MPZL1: variants seen among roughly 807,000 people sequenced by gnomAD.
MPZL1 encodes myelin protein zero-like protein 1.
MPZL1 carries 16 observed loss-of-function variants against 29.3 expected under a neutral mutation model. The ratio of observed to expected loss-of-function variants is 0.55; its 90% CI spans 0.37 to 0.83. The LOEUF (loss-of-function observed/expected upper bound fraction) is 0.83. MPZL1 is among the 40% of genes least tolerant of loss of function. The pLI, the probability that MPZL1 is intolerant of heterozygous loss-of-function variation, is 0.00. For synonymous variants in MPZL1, 143 were observed against 132.0 expected (o/e 1.08, Z -0.57); for missense variants, 279 against 332.9 (o/e 0.84, Z 1.26).
rs2101739870 is a variant in MPZL1 at position 167,722,234 on chromosome 1, T to C, written c.83T>C (p.Leu28Pro). The change falls in exon 1 of 6, where the codon CTT becomes CCT. Residue 28 changes from leucine (L) to proline (P), a missense_variant. Transcript: ENST00000359523. ...RWLWSVLAAA[L>P]GLLTAGVSAL... ...CTGTGGTCGGTGCTGGCGGCGGCGC[T>C]TGGGCTCTGTAAGTGATGCCAGGAC... is the stretch of plus-strand genomic sequence containing the variant. 2 of 1,239,114 alleles carry C rather than the reference T, an allele frequency of 1.6e-6. No individual in the cohort carries two copies. Among genetic ancestry groups the C allele is most frequent in the African/African-American group, 1.5e-5 (1 of 64,530 alleles). 76.8% of individuals were successfully genotyped at this position (1,239,114 alleles called of 1,614,324 possible). A position where few individuals can be genotyped will look rare whatever the true frequency, so the allele number is the denominator to read the frequency against.
At chr1:167,737,862 A>G (rs186621649) in intron 1 of MPZL1, among the ~76,000 whole-genome samples, 23 of 152,130 alleles carry the variant, frequency 1.5e-4, no homozygotes, top group African/African-American at 5.6e-4. Flanking sequence ...TTTAGAGTAG[A>G]TTATCTCTAC....
At chr1:167,757,073 G>T (rs191307645) in intron 1 of MPZL1, among the ~76,000 whole-genome samples, 1 of 152,312 alleles carries the variant, frequency 6.6e-6, no homozygotes, top group African/African-American at 2.4e-5. Context: ...GGATACTTTT[G>T]CAGCCTTCCC....
At chr1:167,787,290 T>A (rs1156683580) in intron 5 of MPZL1, 1 of 152,320 alleles carries the variant, frequency 6.6e-6, no homozygotes, top group Non-Finnish European at 1.5e-5. Flanking sequence ...TGAAGAATAT[T>A]TGAAGTGCTT....
At chr1:167,783,232 C>A (rs1011680741) in intron 5 of MPZL1, among the ~76,000 whole-genome samples, 7 of 152,134 alleles carry the variant, frequency 4.6e-5, no homozygotes, top group Middle Eastern at 3.2e-3. Context: ...CAGAACCAAA[C>A]TGGGGCTCTT....
At chr1:167,772,714 G>A (rs548631522) in intron 3 of MPZL1, among the ~76,000 whole-genome samples, 47 of 152,022 alleles carry the variant, frequency 3.1e-4, no homozygotes, top group African/African-American at 8.2e-4. Flanking sequence ...TATTCCTACC[G>A]TCTGGTGCCT....
In MPZL1 at chr1:167,776,097, G is replaced by T. The variant is rs1159103166; in HGVS notation, c.639G>T (p.Lys213Asn). The stretch of plus-strand genomic sequence containing the variant: ...CATCAGAGAGTTTGTCACCAGTTAA[G>T]CAGGCTCCTCGGAAGTCCCCCTCCG... Reference protein sequence around the residue: ...CSTSESLSPVKQAPRKSPSDT... With the variant: ...CSTSESLSPVNQAPRKSPSDT... The change falls in exon 5 of 6, where the codon AAG becomes AAT. Residue 213 changes from lysine to asparagine, a missense_variant. Lys to Asn is a moderately conservative substitution (Grantham distance 94). Transcript: ENST00000359523. The T allele has an allele frequency of 6.2e-7, 1 of 1,612,040 alleles. No individual in the cohort carries two copies. Among genetic ancestry groups the T allele is most frequent in the African/African-American group, 1.3e-5 (1 of 74,776 alleles).
At chr1:167,771,066 TCATAGGATAATA>T (rs1661235414) in intron 2 of MPZL1, among the ~76,000 whole-genome samples, 1 of 150,836 alleles carries the variant, frequency 6.6e-6, no homozygotes, top group African/African-American at 2.4e-5. Context: ...TGTGGCAGGG[TCATAGGATAATA>T]GTGGAGAGAA....
intron 1 of MPZL1, among the ~76,000 whole-genome samples, chr1:167,750,666 G>A (rs866958331): frequency 7.9e-5 from 12 of 152,160 alleles, no homozygotes; most frequent in Middle Eastern, 3.4e-3. Flanking sequence ...TGAAGACTAA[G>A]GACATCATGT....
At chr1:167,783,879 C>G (rs1379085523) in intron 5 of MPZL1, among the ~76,000 whole-genome samples, 1 of 152,096 alleles carries the variant, frequency 6.6e-6, no homozygotes, top group East Asian at 1.9e-4. Flanking sequence ...AAAAGGTGTT[C>G]TGTCAGTAGT....
At chr1:167,739,282 C>CATATATATATATATATATATATATAT (rs71959233) in intron 1 of MPZL1, among the ~76,000 whole-genome samples, 6 of 90,392 alleles carry the variant, frequency 6.6e-5, no homozygotes, top group African/African-American at 1.9e-4. Context: ...TACATATATA[C>CATATATATATATATATATATATATAT]ATATATATAT....
intron 1 of MPZL1, among the ~76,000 whole-genome samples, chr1:167,759,690 CAG>C (rs80146838): frequency 0.17 from 25,770 of 152,160 alleles, 2,465 homozygotes; most frequent in East Asian, 0.35. Context: ...ATCAACTACG[CAG>C]AGTGCCCAGC....
At chr1:167,726,262 A>T (rs10918747) in intron 1 of MPZL1, among the ~76,000 whole-genome samples, 36,803 of 152,068 alleles carry the variant, frequency 0.24, 5,310 homozygotes, top group African/African-American at 0.41. Flanking sequence ...TAAGTTTCAC[A>T]TCTTTAGAGA....
At chr1:167,754,070 T>C (rs1467225390) in intron 1 of MPZL1, among the ~76,000 whole-genome samples, 1 of 152,122 alleles carries the variant, frequency 6.6e-6, no homozygotes, top group Non-Finnish European at 1.5e-5. Context: ...TGATCTCCGT[T>C]CGCTGCAACC....
chr1:167,756,688 A>C (rs899950617), intron 1 of MPZL1, among the ~76,000 whole-genome samples: 2 of 152,082 alleles, frequency 1.3e-5, no homozygotes, highest in Admixed American at 6.6e-5. Flanking sequence ...GATATATTGT[A>C]TTCTTTATTT....
Position 167,750,425 on chromosome 1 carries a change from C to G in MPZL1, c.92-15158C>G, listed in dbSNP as rs543506573. On this transcript the variant is annotated intron_variant, in intron 1 of 5. Transcript: ENST00000359523. ...TCATATTGGTTAGGCTGGTCTCTAA[C>G]TCCTGACCTCAGGTAATCCGCCTGC... Among the ~76,000 whole-genome samples, 12 of 152,274 alleles carry G rather than the reference C, an allele frequency of 7.9e-5. No homozygotes were observed. In the South Asian group the frequency reaches 2.3e-3, roughly 29 times the overall value.
At position 167,788,036 on chromosome 1, in the gene MPZL1, G is replaced by A. The variant is rs1447845154; in HGVS notation, c.*115G>A. The A allele has an allele frequency of 1.1e-5, 8 of 748,158 alleles. No homozygotes were observed. Among genetic ancestry groups the A allele is most frequent in the Middle Eastern group, 2.4e-4 (1 of 4,216 alleles). The allele number at this position is 748,158 out of a possible 1,614,324, so 46.3% of individuals were successfully genotyped here. Reference sequence around the variant, plus strand: ...GAGACCCAGGCAAGGACAAGTACACGTGTACTCACAGAGGGAGAGAAAGAT... The same window carrying A: ...GAGACCCAGGCAAGGACAAGTACACATGTACTCACAGAGGGAGAGAAAGAT... On this transcript the variant is annotated 3_prime_UTR_variant, in exon 6 of 6. Coordinates refer to ENST00000359523, the MANE Select transcript of MPZL1 (RefSeq NM_003953.6).
Position 167,788,206 on chromosome 1 carries a change from G to T in MPZL1, c.*285G>T. ...TTTCTTTTCAGGTCATTTACAATTG[G>T]GAGATTTCAGAAACATTCCTTTCAC... is the stretch of plus-strand genomic sequence containing the variant. On this transcript the variant is annotated 3_prime_UTR_variant, in exon 6 of 6. Coordinates refer to ENST00000359523, the MANE Select transcript of MPZL1 (RefSeq NM_003953.6). 1 of 312,846 alleles carries T rather than the reference G, an allele frequency of 3.2e-6. No individual in the cohort carries two copies. The highest frequency in any genetic ancestry group is 6.0e-6 in the Non-Finnish European group (1 of 165,930). The allele number at this position is 312,846 out of a possible 1,614,324, so 19.4% of individuals were successfully genotyped here.
chr1:167,785,154 A>G (rs1235614642), intron 5 of MPZL1, among the ~76,000 whole-genome samples: 1 of 152,366 alleles, frequency 6.6e-6, no homozygotes, highest in East Asian at 1.9e-4. Flanking sequence ...TTGGTCGAGC[A>G]GATTCTGGTC....
chr1:167,756,591 A>G (rs764111464), intron 1 of MPZL1, among the ~76,000 whole-genome samples: 4 of 152,138 alleles, frequency 2.6e-5, no homozygotes, highest in African/African-American at 7.2e-5. Context: ...TTATCTCTGC[A>G]GACACTTTTT....
Sources: allele counts gnomAD v4.1 joint callset (sites outside exome capture counted in the v4.1 genomes callset), GRCh38; gene constraint gnomAD v4.1.1; transcripts MANE v1.5; gene names NCBI Gene and HGNC (gene_info 2026-07-23, HGNC 2026-07-21).